IL1R2: variants seen among roughly 807,000 people sequenced by gnomAD.
IL1R2 encodes interleukin 1 receptor type 2.
In IL1R2, 46 loss-of-function variants were observed where a neutral mutation model predicts 39.5. The ratio of observed to expected loss-of-function variants is 1.16; its 90% CI spans 0.92 to 1.49. The LOEUF (loss-of-function observed/expected upper bound fraction) is 1.49. Ranked by LOEUF, IL1R2 falls within the 40% of genes most tolerant of loss-of-function variation. The pLI is 0.00. For missense variants in IL1R2, 537 were observed against 502.0 expected (o/e 1.07, Z -0.67); for synonymous variants, 207 against 189.6 (o/e 1.09, Z -0.75).
chr2:102,010,859 A>G (rs1676585708), intron 3 of IL1R2, among the ~76,000 whole-genome samples: 1 of 152,160 alleles, frequency 6.6e-6, no homozygotes, highest in Admixed American at 6.5e-5. Flanking sequence ...ATCCTCACAA[A>G]CTGAAACTCT....
chr2:102,005,412 T>G (rs1486026826), intron 1 of IL1R2, among the ~76,000 whole-genome samples: 1 of 152,194 alleles, frequency 6.6e-6, no homozygotes, highest in African/African-American at 2.4e-5. Flanking sequence ...GGGATCTTTT[T>G]ATAAACTCTG....
intron 5 of IL1R2, 155 bp from the exon 6 acceptor site, chr2:102,022,032 G>C (rs1038368221): frequency 2.0e-5 from 13 of 658,936 alleles, no homozygotes; most frequent in Non-Finnish European, 3.3e-5. Context: ...CGATTTTGTA[G>C]AGAGCCTGTT....
At chr2:101,996,771 C>A (rs2150417773) in intron 1 of IL1R2, among the ~76,000 whole-genome samples, 1 of 151,296 alleles carries the variant, frequency 6.6e-6, no homozygotes, top group African/African-American at 2.4e-5. Flanking sequence ...GTATTATATA[C>A]TCAGACCCAG....
chr2:102,015,881 T>C lies in IL1R2; in HGVS notation c.343T>C (p.Tyr115His). 1 of 1,612,956 alleles carries C rather than the reference T, an allele frequency of 6.2e-7. No homozygotes were observed. Among genetic ancestry groups the C allele is most frequent in the Non-Finnish European group, 8.5e-7 (1 of 1,179,036 alleles). Reference protein sequence around the residue: ...TYVCTTRNASYCDKMSIELRV... With the variant: ...TYVCTTRNASHCDKMSIELRV... ...TCCCTTTTAAATCAGAAATGCTTCT[T>C]ACTGTGACAAAATGTCCATTGAGCT... Residue 115 changes from tyrosine (Y) to histidine (H), a missense_variant, in exon 4 of 9, where the codon TAC (tyrosine) becomes CAC (histidine). Transcript: ENST00000332549.
At chr2:102,015,731 C>T in intron 3 of IL1R2, 140 bp from the exon 4 acceptor site, 1 of 676,988 alleles carries the variant, frequency 1.5e-6, no homozygotes, top group East Asian at 2.7e-5. Context: ...GTTGAACCAT[C>T]TTATGTCGGG....
At chr2:102,008,926 G>A (rs1676444300) in intron 2 of IL1R2, among the ~76,000 whole-genome samples, 1 of 151,686 alleles carries the variant, frequency 6.6e-6, no homozygotes, top group Non-Finnish European at 1.5e-5. Context: ...TACTTGGGAG[G>A]CTGAGGTGAG....
chr2:102,008,453 C>A (rs1577698920), intron 1 of IL1R2, 62 bp from the exon 2 acceptor site: 1 of 778,452 alleles, frequency 1.3e-6, no homozygotes. Context: ...CCTACCCCGT[C>A]TTCAAGGGAT....
intron 1 of IL1R2, among the ~76,000 whole-genome samples, chr2:101,995,971 T>G (rs1290512196): frequency 6.6e-6 from 1 of 152,200 alleles, no homozygotes; most frequent in African/African-American, 2.4e-5. Context: ...ATGGCTTGAC[T>G]GTGCCGTGCT....
At chr2:102,000,684 G>C (rs193198699) in intron 1 of IL1R2, among the ~76,000 whole-genome samples, 1 of 152,314 alleles carries the variant, frequency 6.6e-6, no homozygotes, top group Non-Finnish European at 1.5e-5. Context: ...TCTAGCTCCA[G>C]GTGTTGATGC....
chr2:102,014,242 AG>A (rs1676848687), intron 3 of IL1R2, among the ~76,000 whole-genome samples: 1 of 152,234 alleles, frequency 6.6e-6, no homozygotes, highest in Admixed American at 6.5e-5. Context: ...GTAGCTGTAC[AG>A]CCCACTTAAT....
chr2:102,011,513 TATTAACC>T, intron 3 of IL1R2, among the ~76,000 whole-genome samples: 1 of 152,354 alleles, frequency 6.6e-6, no homozygotes, highest in East Asian at 1.9e-4. Context: ...TTTGTGTGCT[TATTAACC>T]ATCTGTGCAT....
At chr2:102,009,974 C>CCCCCG in intron 3 of IL1R2, 148 bp downstream of exon 3, 1 of 734,722 alleles carries the variant, frequency 1.4e-6, no homozygotes. Context: ...GTTCCTGACA[C>CCCCCG]CCCCCCCAAC....
intron 1 of IL1R2, among the ~76,000 whole-genome samples, chr2:102,002,746 G>GTCTATC (rs1559412851): frequency 2.0e-3 from 14 of 6,868 alleles, no homozygotes; most frequent in Non-Finnish European, 4.2e-3. Flanking sequence ...CTATGTCTAT[G>GTCTATC]TCTATATCTA....
chr2:102,013,571 AGAAGG>A (rs1559421466), intron 3 of IL1R2, among the ~76,000 whole-genome samples: 110 of 138,572 alleles, frequency 7.9e-4, no homozygotes, highest in Non-Finnish European at 1.0e-3. Flanking sequence ...AGAAAAGAAA[AGAAGG>A]AAAAGAAAAA....
chr2:102,020,480 A>T (rs575541180), intron 5 of IL1R2, among the ~76,000 whole-genome samples: 1 of 152,326 alleles, frequency 6.6e-6, no homozygotes, highest in South Asian at 2.1e-4. Context: ...AGTGGGCCAC[A>T]CTTCTTTGTT....
chr2:102,026,045 C>A, intron 7 of IL1R2, 66 bp from the exon 8 acceptor site: 1 of 1,308,146 alleles, frequency 7.6e-7, no homozygotes, highest in South Asian at 1.3e-5. Context: ...GTTTAGATGT[C>A]TACATTGTGA....
Position 102,019,812 on chromosome 2 carries a change from AG to A in IL1R2, c.688+1del. On this transcript the variant is annotated splice_donor_variant, in intron 5 of 8. Coordinates refer to ENST00000332549, the MANE Select transcript of IL1R2 (RefSeq NM_004633.4). LOFTEE classifies it high-confidence loss of function. Reference sequence around the variant, plus strand: ...TAGGAGTATTGAGCTACGCATCAAGAGTAAGTACTTGCCATTGAGGCACCTA... The same window carrying A: ...TAGGAGTATTGAGCTACGCATCAAGATAAGTACTTGCCATTGAGGCACCTA... The A allele has an allele frequency of 6.2e-7, 1 of 1,612,536 alleles. No individual in the cohort carries two copies. Among genetic ancestry groups the A allele is most frequent in the South Asian group, 1.1e-5 (1 of 90,778 alleles).
At chr2:102,005,994 A>G (rs888506870) in intron 1 of IL1R2, among the ~76,000 whole-genome samples, 1 of 152,212 alleles carries the variant, frequency 6.6e-6, no homozygotes, top group African/African-American at 2.4e-5. Flanking sequence ...TAAAATCAGC[A>G]TGATACTCAG....
intron 6 of IL1R2, among the ~76,000 whole-genome samples, chr2:102,022,990 C>T (rs184707904): frequency 9.2e-5 from 14 of 152,294 alleles, no homozygotes; most frequent in East Asian, 7.7e-4. Flanking sequence ...CAGGGCATCA[C>T]GTTGGCTCAG....
Sources: allele counts gnomAD v4.1 joint callset (sites outside exome capture counted in the v4.1 genomes callset), GRCh38; gene constraint gnomAD v4.1.1; transcripts MANE v1.5; gene names NCBI Gene and HGNC (gene_info 2026-07-23, HGNC 2026-07-21).